SYNE1: variants seen among roughly 807,000 people sequenced by gnomAD.
SYNE1 encodes spectrin repeat containing nuclear envelope protein 1.
SYNE1 carries 616 observed loss-of-function variants against 1,111.0 expected under a neutral mutation model. The observed-to-expected ratio is 0.55, with a 90% CI of 0.52 to 0.59. The LOEUF (loss-of-function observed/expected upper bound fraction) is 0.59. Ranked by LOEUF, SYNE1 falls within the 20% of genes least tolerant of loss-of-function variation. The probability of loss-of-function intolerance (pLI) is 0.00; values close to 1 mark genes in which losing one functional copy is unlikely to be tolerated. For synonymous variants in SYNE1, 3,855 were observed against 3,825.8 expected (o/e 1.01, Z -0.28); for missense variants, 10,006 against 10,417.0 (o/e 0.96, Z 1.72).
chr6:152,421,847 A>G (rs2098267275), intron 39 of SYNE1, among the ~76,000 whole-genome samples: 1 of 152,004 alleles, frequency 6.6e-6, no homozygotes, highest in South Asian at 2.1e-4. Context: ...CTGGGATTAC[A>G]AGCACCTGCC....
chr6:152,346,670 C>T (rs965031202), intron 73 of SYNE1, among the ~76,000 whole-genome samples: 16 of 151,832 alleles, frequency 1.1e-4, no homozygotes, highest in South Asian at 2.1e-4. Flanking sequence ...ATTAGCCAGG[C>T]GTGGTGGCGG....
At chr6:152,286,727 T>C (rs545865934) in intron 95 of SYNE1, among the ~76,000 whole-genome samples, 5 of 152,350 alleles carry the variant, frequency 3.3e-5, no homozygotes, top group Non-Finnish European at 5.9e-5. Context: ...GTTCTGCATA[T>C]AGCAAATAAT....
chr6:152,270,660 A>G (rs912573613), intron 98 of SYNE1, among the ~76,000 whole-genome samples: 5 of 152,182 alleles, frequency 3.3e-5, no homozygotes, highest in African/African-American at 1.2e-4. Context: ...CTTAATAAGC[A>G]CTCACTAGAC....
chr6:152,385,339 T>G (rs1416215331), intron 55 of SYNE1, among the ~76,000 whole-genome samples: 1 of 152,230 alleles, frequency 6.6e-6, no homozygotes, highest in Non-Finnish European at 1.5e-5. Context: ...AGAATACATT[T>G]AACTAAGTTA....
chr6:152,231,556 T>G lies in SYNE1; in HGVS notation c.20874A>C (p.Ile6958=). ...EYLQKYKGFK[I]DINCKQLTVD... ...CTGTCAGCTGTTTACAGTTAATGTC[T>G]ATCTTAAAACCCTAAAAAAAAAGAG... The change falls in exon 114 of 146, where the codon ATA becomes ATC. Residue 6958 remains isoleucine, a synonymous_variant. Transcript: ENST00000367255. 1 of 1,614,074 alleles carries G rather than the reference T, an allele frequency of 6.2e-7. No individual in the cohort carries two copies. The highest frequency in any genetic ancestry group is 8.5e-7 in the Non-Finnish European group (1 of 1,179,968).
intron 138 of SYNE1, among the ~76,000 whole-genome samples, chr6:152,141,747 C>A (rs2058593362): frequency 6.6e-6 from 1 of 150,712 alleles, no homozygotes; most frequent in Admixed American, 6.6e-5. Context: ...AGAGTGAGAC[C>A]CAGTCTCAAA....
rs1165822531 is a variant in SYNE1 at position 152,637,179 on chromosome 6, G to C, written c.-392+10C>G. On this transcript the variant is annotated intron_variant, in intron 1 of 145. Coordinates refer to ENST00000367255, the MANE Select transcript of SYNE1 (RefSeq NM_182961.4). ...GGGGCGGGGACCCGGAGGCTCGCAGGCTTCCCTACCTCCTGGAGATGCACG... is the reference window on the plus strand; with the variant it reads ...GGGGCGGGGACCCGGAGGCTCGCAGCCTTCCCTACCTCCTGGAGATGCACG... 1 of 152,442 alleles carries C rather than the reference G, an allele frequency of 6.6e-6. No homozygotes were observed. The highest frequency in any genetic ancestry group is 1.5e-5 in the Non-Finnish European group (1 of 68,210). The allele number at this position is 152,442 out of a possible 1,614,324, so 9.4% of individuals were successfully genotyped here. A position where few individuals can be genotyped will look rare whatever the true frequency, so the allele number is the denominator to read the frequency against.
At chr6:152,179,226 A>T (rs1466114443) in intron 129 of SYNE1, 1 of 151,950 alleles carries the variant, frequency 6.6e-6, no homozygotes, top group East Asian at 1.9e-4. Flanking sequence ...AATCATCAAA[A>T]ATTTTAAAAT....
intron 3 of SYNE1, among the ~76,000 whole-genome samples, chr6:152,555,697 T>A (rs774272517): frequency 2.6e-5 from 4 of 152,228 alleles, no homozygotes; most frequent in Non-Finnish European, 4.4e-5. Flanking sequence ...AAGACATGAA[T>A]GAATTCATGT....
At chr6:152,545,188 T>A (rs1282491253) in intron 3 of SYNE1, among the ~76,000 whole-genome samples, 2 of 152,224 alleles carry the variant, frequency 1.3e-5, no homozygotes, top group Non-Finnish European at 1.5e-5. Context: ...TAATAATGCA[T>A]AATGTATTTT....
chr6:152,416,326 G>T, intron 41 of SYNE1, 61 bp downstream of exon 41: 1 of 1,604,426 alleles, frequency 6.2e-7, no homozygotes, highest in Non-Finnish European at 8.5e-7. Context: ...TTGCATAAAA[G>T]TTAATTCCAG....
At chr6:152,198,469 G>A (rs532284501) in intron 127 of SYNE1, among the ~76,000 whole-genome samples, 41 of 152,168 alleles carry the variant, frequency 2.7e-4, no homozygotes, top group Non-Finnish European at 5.0e-4. Flanking sequence ...TTTCCTTTCA[G>A]AACTTTTCCT....
intron 128 of SYNE1, among the ~76,000 whole-genome samples, chr6:152,187,164 C>A (rs1352812388): frequency 6.6e-6 from 1 of 152,162 alleles, no homozygotes; most frequent in Non-Finnish European, 1.5e-5. Context: ...TAAAAGCCAT[C>A]TCATACATGT....
chr6:152,216,861 C>A (rs892686127), intron 121 of SYNE1, among the ~76,000 whole-genome samples: 1 of 151,998 alleles, frequency 6.6e-6, no homozygotes, highest in Non-Finnish European at 1.5e-5. Flanking sequence ...CGAGACCAGC[C>A]TGGCCAACAT....
chr6:152,362,431 A>G, intron 63 of SYNE1, 108 bp from the exon 64 acceptor site: 2 of 1,480,500 alleles, frequency 1.4e-6, no homozygotes, highest in East Asian at 2.3e-5. Context: ...TCAAGAGATC[A>G]GGAAGAAGCT....
chr6:152,406,953 T>G, intron 45 of SYNE1, 61 bp downstream of exon 45: 1 of 1,336,822 alleles, frequency 7.5e-7, no homozygotes, highest in Non-Finnish European at 1.0e-6. Context: ...ACTTTTTTTT[T>G]TTTTCATATT....
chr6:152,518,182 A>G (rs1346577739), intron 6 of SYNE1, among the ~76,000 whole-genome samples: 1 of 150,662 alleles, frequency 6.6e-6, no homozygotes, highest in Admixed American at 6.7e-5. Context: ...TAGTTTGTAA[A>G]TCTGTTTCTC....
intron 3 of SYNE1, among the ~76,000 whole-genome samples, chr6:152,610,774 C>G (rs1241277763): frequency 6.6e-6 from 1 of 152,134 alleles, no homozygotes; most frequent in East Asian, 1.9e-4. Context: ...AAGGGAAGCC[C>G]ATCAGACTAA....
intron 4 of SYNE1, 147 bp from the exon 5 acceptor site, chr6:152,526,322 CA>C (rs2099163535): frequency 1.3e-6 from 1 of 789,298 alleles, no homozygotes; most frequent in Non-Finnish European, 2.1e-6. Flanking sequence ...ATTGAGTTGC[CA>C]ATTGCCTTTC....
Sources: gnomAD v4.1 joint callset for allele counts (sites outside exome capture counted in the v4.1 genomes callset) on GRCh38, gnomAD v4.1.1 for gene constraint, MANE v1.5 for transcripts, NCBI Gene and HGNC (gene_info 2026-07-23, HGNC 2026-07-21) for gene names.